The following PCDHGA2 variants were observed in gnomAD, a reference collection of about 807,000 sequenced individuals.
PCDHGA2 encodes protocadherin gamma subfamily A, 2.
In PCDHGA2, 40 loss-of-function variants were observed where a neutral mutation model predicts 59.2. That is an observed-to-expected ratio of 0.68 (90% CI 0.52 to 0.88). The LOEUF (loss-of-function observed/expected upper bound fraction) is 0.88. Among genes scored for constraint, PCDHGA2 ranks in the 40% least tolerant of loss-of-function variants. The pLI is 0.00. For synonymous variants in PCDHGA2, 560 were observed against 526.0 expected, an observed-to-expected ratio of 1.06 and a Z score of -0.89; for missense variants, 1,226 against 1,204.0, an observed-to-expected ratio of 1.02 and a Z score of -0.27.
At position 141,490,440 on chromosome 5, in the gene PCDHGA2, T is replaced by C. The variant is rs560525159; in HGVS notation, c.2425-4367T>C. On this transcript the variant is annotated intron_variant, in intron 1 of 3. Transcript: ENST00000394576. This position sits in a 1 kb window ranked among gnomAD's most constrained non-coding sequence, Gnocchi z 5.4. ...ACCTGCCATTTCAGATTAAGCCTTC[T>C]GAGAACCACTACTCGCTGCTAACCA... 7 of 1,614,206 alleles carry C rather than the reference T, an allele frequency of 4.3e-6. No homozygotes were observed. Among genetic ancestry groups the C allele is most frequent in the Non-Finnish European group, 5.9e-6 (7 of 1,180,040 alleles).
intron 1 of PCDHGA2, among the ~76,000 whole-genome samples, chr5:141,437,164 T>C (rs1262289843): frequency 1.3e-5 from 2 of 152,226 alleles, no homozygotes; most frequent in Non-Finnish European, 2.9e-5. Flanking sequence ...GTGTTGATTG[T>C]TTTCTGAGAC....
At chr5:141,370,481 C>G (rs1766946658) in intron 1 of PCDHGA2, 2 of 1,613,770 alleles carry the variant, frequency 1.2e-6, no homozygotes, top group African/African-American at 2.7e-5. Flanking sequence ...ACCAGGCTCT[C>G]TCCGAACCGA....
intron 1 of PCDHGA2, chr5:141,366,644 C>G (rs759831298): frequency 3.7e-6 from 6 of 1,614,268 alleles, no homozygotes; most frequent in Non-Finnish European, 5.1e-6. Flanking sequence ...GATCTTTCCC[C>G]AGCCCAACTA....
rs1177043977 is a variant in PCDHGA2, at chr5:141,491,919, C to G, written c.2425-2888C>G. On this transcript the variant is annotated intron_variant, in intron 1 of 3. Coordinates refer to ENST00000394576, the MANE Select transcript of PCDHGA2 (RefSeq NM_018915.4). The surrounding 1 kb of genome is among the most constrained non-coding windows in gnomAD (Gnocchi z 6.9). ...CACCGGGGGTGGTGGCGACTGTGGG[C>G]GAGGGGAGGTGGGACCGACCCCCAC... 5 of 1,361,900 alleles carry G rather than the reference C, an allele frequency of 3.7e-6. No homozygotes were observed. The South Asian group carries it at 7.8e-5, about 21-fold the overall frequency. The allele number at this position is 1,361,900 out of a possible 1,614,324, so 84.4% of individuals were successfully genotyped here. A position where few individuals can be genotyped will look rare whatever the true frequency, so the allele number is the denominator to read the frequency against.
At chr5:141,505,352 C>CG in intron 2 of PCDHGA2, 41 bp from the exon 3 acceptor site, 1 of 1,613,302 alleles carries the variant, frequency 6.2e-7, no homozygotes, top group East Asian at 2.2e-5. Context: ...TGAGCTGTGC[C>CG]GGCCTGGGAG....
At chr5:141,374,266 G>T in intron 1 of PCDHGA2, 1 of 1,614,016 alleles carries the variant, frequency 6.2e-7, no homozygotes, top group Non-Finnish European at 8.5e-7. Context: ...AGTTGGCGGA[G>T]CACGGAGTCC....
chr5:141,358,895 T>C (rs1761048848), intron 1 of PCDHGA2, among the ~76,000 whole-genome samples: 1 of 152,230 alleles, frequency 6.6e-6, no homozygotes, highest in Non-Finnish European at 1.5e-5. Flanking sequence ...GATTATTTTA[T>C]ATGAGGGAAA....
At chr5:141,409,516 C>T (rs1303826331) in intron 1 of PCDHGA2, 6 of 1,614,006 alleles carry the variant, frequency 3.7e-6, no homozygotes, top group South Asian at 1.1e-5. Context: ...GTAGAAGCAT[C>T]ACCTTGTATG....
chr5:141,387,086 A>G (rs761672201), intron 1 of PCDHGA2, among the ~76,000 whole-genome samples: 4 of 152,226 alleles, frequency 2.6e-5, no homozygotes, highest in Non-Finnish European at 5.9e-5. Context: ...GCCTGTGATC[A>G]TCGAAATGAG....
chr5:141,377,417 G>A (rs1773959916), intron 1 of PCDHGA2: 1 of 152,028 alleles, frequency 6.6e-6, no homozygotes, highest in Non-Finnish European at 1.5e-5. Context: ...ACCAGCCTGG[G>A]TGACTCTGTC....
chr5:141,382,940 T>A, intron 1 of PCDHGA2: 1 of 1,595,270 alleles, frequency 6.3e-7, no homozygotes, highest in Non-Finnish European at 8.6e-7. Flanking sequence ...AGAGGATTCT[T>A]CCTGCTCTCC....
chr5:141,415,519 A>G, intron 1 of PCDHGA2: 1 of 1,614,182 alleles, frequency 6.2e-7, no homozygotes, highest in Non-Finnish European at 8.5e-7. Context: ...TTATGCGGAC[A>G]CGCTCATCAG....
chr5:141,383,105 G>C (rs775672220), intron 1 of PCDHGA2: 7 of 1,614,030 alleles, frequency 4.3e-6, no homozygotes, highest in Non-Finnish European at 5.9e-6. Flanking sequence ...ATCATCTCCA[G>C]AGGTAGGACG....
chr5:141,461,961 T>C (rs914134151), intron 1 of PCDHGA2, among the ~76,000 whole-genome samples: 3 of 152,192 alleles, frequency 2.0e-5, no homozygotes, highest in African/African-American at 7.2e-5. Context: ...GTAGCTGGGA[T>C]TCCAGGCATA....
intron 2 of PCDHGA2, among the ~76,000 whole-genome samples, chr5:141,495,703 GGAGT>G (rs2099763108): frequency 6.6e-6 from 1 of 152,098 alleles, no homozygotes; most frequent in South Asian, 2.1e-4. Context: ...CAATAAATGT[GGAGT>G]GAGTAACTAC....
intron 2 of PCDHGA2, among the ~76,000 whole-genome samples, chr5:141,504,506 A>T (rs575756846): frequency 1.3e-5 from 2 of 152,096 alleles, no homozygotes; most frequent in African/African-American, 4.8e-5. Context: ...GTCTGAGTGG[A>T]TCTCCTCTGA....
chr5:141,366,073 C>A (rs766163319), intron 1 of PCDHGA2: 1 of 1,614,234 alleles, frequency 6.2e-7, no homozygotes, highest in South Asian at 1.1e-5. Flanking sequence ...CGCCTCGCTC[C>A]GCAGAACCTG....
intron 1 of PCDHGA2, chr5:141,409,635 AC>A: frequency 6.2e-7 from 1 of 1,613,784 alleles, no homozygotes; most frequent in Non-Finnish European, 8.5e-7. Context: ...AGCGCCTCTG[AC>A]CCGGATTTGG....
chr5:141,479,606 T>TA (rs1315315740), intron 1 of PCDHGA2: 1 of 152,184 alleles, frequency 6.6e-6, no homozygotes, highest in Non-Finnish European at 1.5e-5. Context: ...GCCTAGGCAA[T>TA]ATAGGGAAAC....
Sources: gnomAD v4.1 joint callset for allele counts (sites outside exome capture counted in the v4.1 genomes callset) on GRCh38, gnomAD v4.1.1 for gene constraint, Gnocchi (gnomAD v3.1) non-coding constraint, MANE v1.5 for transcripts, NCBI Gene and HGNC (gene_info 2026-07-23, HGNC 2026-07-21) for gene names.